The following BPIFB4 variants were observed in gnomAD, a reference collection of about 807,000 sequenced individuals.
BPIFB4 encodes the protein BPI fold-containing family B member 4.
A neutral mutation model predicts 69.2 loss-of-function variants in BPIFB4; 62 were observed. That is an observed-to-expected ratio of 0.90 (90% CI 0.73 to 1.11). BPIFB4 has a LOEUF of 1.11. Among genes scored for constraint, BPIFB4 ranks in the 50% least tolerant of loss-of-function variants. The pLI is 0.00. For missense variants in BPIFB4, 789 were observed against 792.0 expected, an observed-to-expected ratio of 1.00 and a Z score of 0.04; for synonymous variants, 330 against 332.7, an observed-to-expected ratio of 0.99 and a Z score of 0.09.
chr20:33,097,492 C>T, intron 12 of BPIFB4, 125 bp from the exon 13 acceptor site: 1 of 1,032,120 alleles, frequency 9.7e-7, no homozygotes, highest in Non-Finnish European at 1.4e-6. Context: ...ATTGGCTTTG[C>T]CTGTGGTTTG....
intron 3 of BPIFB4, 49 bp downstream of exon 3, chr20:33,081,681 A>T (rs918248315): frequency 1.3e-6 from 2 of 1,544,216 alleles, no homozygotes; most frequent in Non-Finnish European, 1.8e-6. Flanking sequence ...TGAGCAGGGC[A>T]GCTCTGCCAA....
At position 33,083,743 on chromosome 20, in the gene BPIFB4, C is replaced by T. The variant is rs1981327654; in HGVS notation, c.546C>T (p.Gly182=). The change falls in exon 5 of 18, where the codon GGC becomes GGT. Residue 182 remains glycine, a synonymous_variant. Transcript: ENST00000375483. The part of the protein sequence containing the change: ...LGTGGMLAAD[G]ILAGQGGLLG... ...CTGGAGGCATGCTGGCAGCTGATGGCATCCTCGCAGGCCAAGGTGGCCTGC... is the reference window on the plus strand; with the variant it reads ...CTGGAGGCATGCTGGCAGCTGATGGTATCCTCGCAGGCCAAGGTGGCCTGC... 1 of 1,613,902 alleles carries T rather than the reference C, an allele frequency of 6.2e-7. No homozygotes were observed. The highest frequency in any genetic ancestry group is 8.5e-7 in the Non-Finnish European group (1 of 1,179,886).
At position 33,083,991 on chromosome 20, in the gene BPIFB4, G is replaced by T. The variant is rs1041682682; in HGVS notation, c.677+117G>T. Reference sequence around the variant, plus strand: ...TCTTCAGAGCCCCACACACTTCAGGGTTTGGCCTCAGGATTGGAAGTTTTA... The same window carrying T: ...TCTTCAGAGCCCCACACACTTCAGGTTTTGGCCTCAGGATTGGAAGTTTTA... On this transcript the variant is annotated intron_variant, in intron 5 of 17. Transcript: ENST00000375483. 9 of 1,285,080 alleles carry T rather than the reference G, an allele frequency of 7.0e-6. No individual in the cohort carries two copies. In the African/African-American group the frequency reaches 1.2e-4, roughly 17 times the overall value. 79.6% of individuals were successfully genotyped at this position (1,285,080 alleles called of 1,614,324 possible).
At chr20:33,098,720 G>A (rs1056330639) in intron 13 of BPIFB4, among the ~76,000 whole-genome samples, 3 of 149,270 alleles carry the variant, frequency 2.0e-5, no homozygotes, top group Non-Finnish European at 3.0e-5. Context: ...ACTCCAGCCC[G>A]GGTGACAGAG....
At chr20:33,105,793 G>A (rs1338097782) in intron 16 of BPIFB4, among the ~76,000 whole-genome samples, 1 of 152,214 alleles carries the variant, frequency 6.6e-6, no homozygotes, top group East Asian at 1.9e-4. Context: ...TGGTTTCTCT[G>A]TGAGAGGATG....
At chr20:33,104,092 G>A (rs140958217) in intron 15 of BPIFB4, among the ~76,000 whole-genome samples, 18 of 152,326 alleles carry the variant, frequency 1.2e-4, no homozygotes, top group Admixed American at 4.6e-4. Context: ...ACAGAGCTAG[G>A]AAGAGGCACT....
chr20:33,090,811 G>A lies in BPIFB4; in HGVS notation c.1143+12G>A, dbSNP rs752944183. On this transcript the variant is annotated intron_variant, in intron 10 of 17. Transcript: ENST00000375483. Reference sequence around the variant, plus strand: ...AGCTGGACCTCAACGTGAGTGCCTGGGGTTCAGGGCAAAGGGTGGTGGCCC... The same window carrying A: ...AGCTGGACCTCAACGTGAGTGCCTGAGGTTCAGGGCAAAGGGTGGTGGCCC... 6 of 1,614,006 alleles carry A rather than the reference G, an allele frequency of 3.7e-6. No homozygotes were observed. The East Asian group carries it at 1.3e-4, about 36-fold the overall frequency.
chr20:33,111,035 C>T (rs1429588603), intron 17 of BPIFB4, among the ~76,000 whole-genome samples: 1 of 151,958 alleles, frequency 6.6e-6, no homozygotes, highest in African/African-American at 2.4e-5. Context: ...AGGCTGGTCT[C>T]GAACTCCTGA....
At chr20:33,084,120 A>T (rs369469116) in intron 5 of BPIFB4, among the ~76,000 whole-genome samples, 27 of 152,280 alleles carry the variant, frequency 1.8e-4, no homozygotes, top group African/African-American at 6.0e-4. Context: ...CATTGATATC[A>T]TCTCTCGAGT....
intron 15 of BPIFB4, among the ~76,000 whole-genome samples, chr20:33,103,739 C>T (rs1981969785): frequency 1.3e-5 from 2 of 152,246 alleles, no homozygotes; most frequent in Non-Finnish European, 2.9e-5. Flanking sequence ...CATTGTGTTG[C>T]TAATTTTATA....
Position 33,083,439 on chromosome 20 carries a change from T to C in BPIFB4, c.242T>C (p.Leu81Pro), listed in dbSNP as rs191647746. ...CCAGTATATACCAACGGCAAAAAAC[T>C]TGATGGTATTTACCAGTATGGTCAC... ...PPPVYTNGKK[L>P]DGIYQYGHIE... Residue 81 changes from leucine to proline, a missense_variant, in exon 5 of 18, where the codon CTT becomes CCT. Transcript: ENST00000375483. The C allele has an allele frequency of 1.1e-4, 176 of 1,613,420 alleles. No homozygotes were observed. The highest frequency in any genetic ancestry group is 2.3e-4 in the Admixed American group (14 of 59,954).
At chr20:33,088,265 C>T (rs973503178) in intron 7 of BPIFB4, among the ~76,000 whole-genome samples, 1 of 151,150 alleles carries the variant, frequency 6.6e-6, no homozygotes, top group Non-Finnish European at 1.5e-5. Flanking sequence ...TTCTTGAGCC[C>T]GGGAGTTCAA....
rs781740566 is a variant in BPIFB4, at chr20:33,084,885, C to G, written c.678-7C>G. On this transcript the variant is annotated splice_polypyrimidine_tract_variant and splice_region_variant and intron_variant, in intron 5 of 17. Coordinates refer to ENST00000375483, the MANE Select transcript of BPIFB4 (RefSeq NM_182519.3). ...CCGGCCTTCTCACCACTCTGTGTCC[C>G]GAGCAGGCTGCGTATCGTGGAGCTG... The G allele has an allele frequency of 1.2e-6, 2 of 1,604,984 alleles. No individual in the cohort carries two copies. The highest frequency in any genetic ancestry group is 1.7e-5 in the Admixed American group (1 of 59,994).
intron 10 of BPIFB4, among the ~76,000 whole-genome samples, chr20:33,092,187 A>G (rs1200021553): frequency 6.6e-6 from 1 of 152,188 alleles, no homozygotes; most frequent in Non-Finnish European, 1.5e-5. Context: ...ATGCATACAT[A>G]TGCTAGTTCA....
chr20:33,107,612 G>A, intron 16 of BPIFB4, 132 bp from the exon 17 acceptor site: 3 of 647,058 alleles, frequency 4.6e-6, no homozygotes, highest in Non-Finnish European at 5.5e-6. Flanking sequence ...CTCCAGCCTG[G>A]GCAACAGAGC....
At chr20:33,089,107 C>T in intron 8 of BPIFB4, 78 bp downstream of exon 8, 5 of 1,600,846 alleles carry the variant, frequency 3.1e-6, no homozygotes, top group East Asian at 2.2e-5. Context: ...GCCTCCATCC[C>T]TGGGGGCCTG....
In BPIFB4 at chr20:33,086,069, G is replaced by C. The variant is rs143302622; in HGVS notation, c.831G>C (p.Lys277Asn). ...CAGTAGAAGTGAACATCACAGCCAA[G>C]GTCCGGCTGACCATGGACCGCACGG... ...DIAVEVNITAKVRLTMDRTGY... is the reference protein window; with the variant it reads ...DIAVEVNITANVRLTMDRTGY... The change falls in exon 7 of 18, where the codon AAG becomes AAC. Residue 277 changes from lysine to asparagine, a missense_variant. By Grantham distance (94) the Lys-to-Asn change is moderately conservative. Coordinates refer to ENST00000375483, the MANE Select transcript of BPIFB4 (RefSeq NM_182519.3). 2.2e-4 allele frequency: 362 copies of C among 1,613,252 alleles called. 1 individual carries two copies. The African/African-American group carries it at 4.4e-3, about 19-fold the overall frequency.
Position 33,095,150 on chromosome 20 carries a change from C to T in BPIFB4, c.1395C>T (p.Pro465=), listed in dbSNP as rs200712639. The T allele has an allele frequency of 6.2e-7, 1 of 1,608,642 alleles. No homozygotes were observed. Among genetic ancestry groups the T allele is most frequent in the Non-Finnish European group, 8.5e-7 (1 of 1,175,002 alleles). The change falls in exon 12 of 18, where the codon CCC becomes CCT. Residue 465 remains proline (P), a synonymous_variant. Transcript: ENST00000375483. The part of the protein sequence containing the change: ...LTTATLGALI[P]KVFQQYPESC... ...CAGCCACACTGGGAGCCCTGATCCCCAAGGTATGTAAGGTGGGCAGGTCCC... is the reference window on the plus strand; with the variant it reads ...CAGCCACACTGGGAGCCCTGATCCCTAAGGTATGTAAGGTGGGCAGGTCCC...
Position 33,081,522 on chromosome 20 carries a change from C to T in BPIFB4, c.-5C>T, listed in dbSNP as rs1000778360. The T allele has an allele frequency of 1.3e-6, 2 of 1,551,620 alleles. No individual in the cohort carries two copies. Among genetic ancestry groups the T allele is most frequent in the Admixed American group, 2.0e-5 (1 of 51,016 alleles). On this transcript the variant is annotated 5_prime_UTR_variant, in exon 3 of 18. Coordinates refer to ENST00000375483, the MANE Select transcript of BPIFB4 (RefSeq NM_182519.3). The stretch of plus-strand genomic sequence containing the variant: ...CTTTCTCCTCCACAGGGAAGCAGTG[C>T]CAGCATGTGGATGGCCTGGTGTGTG...
Sources: allele counts gnomAD v4.1 joint callset (sites outside exome capture counted in the v4.1 genomes callset), GRCh38; gene constraint gnomAD v4.1.1; transcripts MANE v1.5; gene names NCBI Gene and HGNC (gene_info 2026-07-23, HGNC 2026-07-21).